Variants in KALRN observed in about 807,000 individuals in gnomAD.
KALRN encodes kalirin.
Under a neutral mutation model 353.7 loss-of-function variants are expected in KALRN, and 70 were observed. The ratio of observed to expected loss-of-function variants is 0.20; its 90% CI spans 0.16 to 0.24. KALRN has a LOEUF of 0.24. Among genes scored for constraint, KALRN ranks in the 10% least tolerant of loss-of-function variants. The pLI is 1.00. For missense variants in KALRN, 2,791 were observed against 3,756.7 expected, an observed-to-expected ratio of 0.74 and a Z score of 6.72; for synonymous variants, 1,391 against 1,434.8, an observed-to-expected ratio of 0.97 and a Z score of 0.69.
chr3:124,451,922 A>C (rs908637024), intron 21 of KALRN, among the ~76,000 whole-genome samples: 1 of 152,324 alleles, frequency 6.6e-6, no homozygotes, highest in African/African-American at 2.4e-5. Context: ...CTACTCTGCA[A>C]GCAATCACCC....
chr3:124,655,462 A>G, intron 38 of KALRN, 139 bp from the exon 39 acceptor site: 2 of 655,236 alleles, frequency 3.1e-6, no homozygotes, highest in Non-Finnish European at 2.8e-6. Flanking sequence ...ATCCGTAAGC[A>G]TCTTTCCCAG....
intron 5 of KALRN, among the ~76,000 whole-genome samples, chr3:124,270,824 G>GTTTTTT (rs777615656): frequency 0.015 from 1,155 of 78,026 alleles, 3 homozygotes; most frequent in Non-Finnish European, 0.022. Flanking sequence ...TTTTTGTTTT[G>GTTTTTT]TTTTTTTTTT....
At chr3:124,124,668 A>G (rs550347994) in intron 1 of KALRN, among the ~76,000 whole-genome samples, 2 of 152,278 alleles carry the variant, frequency 1.3e-5, no homozygotes, top group South Asian at 2.1e-4. Flanking sequence ...TGCCACAGGC[A>G]CTCCCACCTT....
chr3:124,572,864 C>A (rs577608148), intron 34 of KALRN, among the ~76,000 whole-genome samples: 33 of 152,106 alleles, frequency 2.2e-4, no homozygotes, highest in African/African-American at 8.0e-4. Flanking sequence ...AGAGCGAGAC[C>A]CCGTCTCTAG....
intron 1 of KALRN, among the ~76,000 whole-genome samples, chr3:124,173,835 C>T (rs529355543): frequency 2.6e-5 from 4 of 151,910 alleles, no homozygotes; most frequent in Non-Finnish European, 5.9e-5. Context: ...GGGATGGTCT[C>T]GAGCTCCTGA....
chr3:124,530,198 A>G (rs2067925075), intron 33 of KALRN, among the ~76,000 whole-genome samples: 1 of 152,196 alleles, frequency 6.6e-6, no homozygotes, highest in Non-Finnish European at 1.5e-5. Flanking sequence ...CATAAAAGGG[A>G]TAGAAAATAT....
chr3:124,467,141 A>G (rs1035066070), intron 25 of KALRN, among the ~76,000 whole-genome samples: 2 of 152,222 alleles, frequency 1.3e-5, no homozygotes, highest in African/African-American at 4.8e-5. Flanking sequence ...CCGAAGGAGC[A>G]GGACCAGAGA....
chr3:124,064,760 T>C (rs748458960), intron 1 of KALRN, among the ~76,000 whole-genome samples: 1 of 152,214 alleles, frequency 6.6e-6, no homozygotes, highest in Non-Finnish European at 1.5e-5. Flanking sequence ...GCTCTCTGCA[T>C]CTGGAATGGC....
chr3:124,048,454 A>T (rs1367130830), intron 1 of KALRN, among the ~76,000 whole-genome samples: 4 of 149,516 alleles, frequency 2.7e-5, no homozygotes, highest in African/African-American at 9.8e-5. Context: ...AATCATGGAC[A>T]TTTTTCTATG....
At chr3:124,286,464 G>T (rs1237730673) in intron 5 of KALRN, among the ~76,000 whole-genome samples, 1 of 152,012 alleles carries the variant, frequency 6.6e-6, no homozygotes, top group Non-Finnish European at 1.5e-5. Context: ...TGTTGGCCAG[G>T]CTGGTCTGAA....
chr3:124,363,328 G>A (rs1287968497), intron 10 of KALRN, among the ~76,000 whole-genome samples: 1 of 152,088 alleles, frequency 6.6e-6, no homozygotes, highest in African/African-American at 2.4e-5. Context: ...TTCCTTGTGG[G>A]AAGCAACAAG....
At chr3:124,582,168 G>A (rs1316407380) in intron 34 of KALRN, among the ~76,000 whole-genome samples, 1 of 152,070 alleles carries the variant, frequency 6.6e-6, no homozygotes, top group Non-Finnish European at 1.5e-5. Flanking sequence ...TTACAGACAT[G>A]CATCACCATG....
chr3:124,198,776 CT>C (rs1405718404), intron 1 of KALRN, among the ~76,000 whole-genome samples: 1 of 152,228 alleles, frequency 6.6e-6, no homozygotes, highest in East Asian at 1.9e-4. Context: ...GGGTCACTGA[CT>C]CTAGAGAGGT....
At chr3:124,292,197 C>T (rs1194489333) in intron 5 of KALRN, among the ~76,000 whole-genome samples, 3 of 152,128 alleles carry the variant, frequency 2.0e-5, no homozygotes, top group Non-Finnish European at 1.5e-5. Flanking sequence ...CTTTGATTCT[C>T]ACGTCTATTT....
At chr3:124,521,359 C>T (rs1168250689) in intron 33 of KALRN, among the ~76,000 whole-genome samples, 2 of 152,176 alleles carry the variant, frequency 1.3e-5, no homozygotes, top group East Asian at 3.9e-4. Context: ...ATAAATACAA[C>T]TGAAAAGGAC....
chr3:124,690,832 G>A (rs568577987), intron 51 of KALRN, among the ~76,000 whole-genome samples: 17 of 152,338 alleles, frequency 1.1e-4, no homozygotes, highest in Admixed American at 1.0e-3. Flanking sequence ...TGGGATTACA[G>A]GTGTGAGCCA....
intron 47 of KALRN, among the ~76,000 whole-genome samples, chr3:124,670,454 C>A (rs1223238907): frequency 2.0e-5 from 3 of 152,214 alleles, no homozygotes; most frequent in Non-Finnish European, 4.4e-5. Flanking sequence ...ATTACTTTGA[C>A]ACATACAAGA....
intron 7 of KALRN, among the ~76,000 whole-genome samples, chr3:124,326,695 C>A (rs1356959986): frequency 1.3e-5 from 2 of 152,218 alleles, no homozygotes; most frequent in African/African-American, 4.8e-5. Flanking sequence ...AAGAGGAACA[C>A]TGAAGCTCAG....
chr3:124,118,119 G>A (rs1047606465), intron 1 of KALRN, among the ~76,000 whole-genome samples: 8 of 152,324 alleles, frequency 5.3e-5, no homozygotes, highest in Non-Finnish European at 1.2e-4. Context: ...AGGCAGAGGA[G>A]AGTGCCTTCC....
Sources: allele counts gnomAD v4.1 joint callset (sites outside exome capture counted in the v4.1 genomes callset), GRCh38; gene constraint gnomAD v4.1.1; transcripts MANE v1.5; gene names NCBI Gene and HGNC (gene_info 2026-07-23, HGNC 2026-07-21).